PDS5A: variants seen among roughly 807,000 people sequenced by gnomAD.
PDS5A encodes the protein sister chromatid cohesion protein PDS5 homolog A.
A neutral mutation model predicts 167.1 loss-of-function variants in PDS5A; 42 were observed. The ratio of observed to expected loss-of-function variants is 0.25; its 90% confidence interval spans 0.20 to 0.33. The LOEUF (loss-of-function observed/expected upper bound fraction) is 0.33, where lower values mean the gene tolerates loss of function less well. Ranked by LOEUF, PDS5A falls within the 10% of genes least tolerant of loss-of-function variation. PDS5A has a pLI of 1.00. For synonymous variants in PDS5A, 553 were observed against 554.6 expected, an observed-to-expected ratio of 1.00 and a Z score of 0.04; for missense variants, 1,033 against 1,605.9, an observed-to-expected ratio of 0.64 and a Z score of 6.10.
chr4:39,875,506 G>C (rs1272308350), intron 19 of PDS5A, among the ~76,000 whole-genome samples: 2 of 152,164 alleles, frequency 1.3e-5, no homozygotes, highest in African/African-American at 4.8e-5. Context: ...GGCATCAAAT[G>C]CAAGGGTGAC....
intron 2 of PDS5A, among the ~76,000 whole-genome samples, chr4:39,975,561 C>A (rs1306696781): frequency 6.6e-6 from 1 of 152,136 alleles, no homozygotes; most frequent in Non-Finnish European, 1.5e-5. Context: ...AATGCCATAG[C>A]CCTACCTGAA....
At chr4:39,839,191 A>C (rs541774321) in intron 31 of PDS5A, among the ~76,000 whole-genome samples, 6 of 152,158 alleles carry the variant, frequency 3.9e-5, no homozygotes, top group Non-Finnish European at 8.8e-5. Flanking sequence ...TTTTGATAAT[A>C]AGAGGTAACT....
intron 11 of PDS5A, among the ~76,000 whole-genome samples, chr4:39,906,297 A>G (rs570903690): frequency 4.6e-5 from 7 of 152,072 alleles, no homozygotes; most frequent in Non-Finnish European, 1.5e-5. Flanking sequence ...GAGCCTGGGA[A>G]GAGGAGGGTG....
chr4:39,916,176 A>G (rs1436140923), intron 8 of PDS5A, among the ~76,000 whole-genome samples: 1 of 147,630 alleles, frequency 6.8e-6, no homozygotes, highest in East Asian at 2.0e-4. Context: ...TGGGCGACAG[A>G]GCAAGACTCC....
intron 2 of PDS5A, chr4:39,975,979 T>G (rs1731044850): frequency 6.6e-6 from 1 of 152,432 alleles, no homozygotes; most frequent in Non-Finnish European, 1.5e-5. Flanking sequence ...TTATGAAAAG[T>G]CTGTACCTTC....
At chr4:39,895,410 A>G (rs1722317118) in intron 16 of PDS5A, among the ~76,000 whole-genome samples, 1 of 152,118 alleles carries the variant, frequency 6.6e-6, no homozygotes, top group South Asian at 2.1e-4. Flanking sequence ...GGGTAAAAAT[A>G]TAAAAGATAA....
intron 8 of PDS5A, 102 bp from the exon 9 acceptor site, chr4:39,913,828 A>G (rs773715658): frequency 4.9e-5 from 35 of 715,244 alleles, no homozygotes; most frequent in Non-Finnish European, 7.8e-5. Context: ...ATTTCTGCTT[A>G]TAACTGTGAG....
At chr4:39,882,123 C>CGCT (rs1360613394) in intron 17 of PDS5A, among the ~76,000 whole-genome samples, 1 of 152,130 alleles carries the variant, frequency 6.6e-6, no homozygotes, top group Non-Finnish European at 1.5e-5. Context: ...GAGCCAGACT[C>CGCT]TGTCTCAAAA....
intron 9 of PDS5A, among the ~76,000 whole-genome samples, chr4:39,913,169 T>C (rs1273489769): frequency 6.6e-6 from 1 of 151,808 alleles, no homozygotes; most frequent in Non-Finnish European, 1.5e-5. Context: ...CAGTACAAAC[T>C]CTGCCTCCCG....
rs1459714847 is a variant in PDS5A at position 39,902,441 on chromosome 4, A to G, written c.1405T>C (p.Phe469Leu). ...IDDKLLVEKI[F>L]AQYLVPHNLE... ...TTGTGGGGGACAAGATACTGAGCAA[A>G]GATTTTCTCTACCAACAGTCTAGGA... is the stretch of plus-strand genomic sequence containing the variant. Residue 469 changes from phenylalanine (F) to leucine (L), a missense_variant, in exon 13 of 33, where the codon TTT (phenylalanine) becomes CTT (leucine). This residue lies in a region of PDS5A where 388 missense variants were observed against 615.1 expected (regional missense o/e 0.63). Transcript: ENST00000303538. 2 of 1,556,778 alleles carry G rather than the reference A, an allele frequency of 1.3e-6. No homozygotes were observed.
intron 26 of PDS5A, among the ~76,000 whole-genome samples, chr4:39,860,953 C>T (rs1200248292): frequency 1.3e-5 from 2 of 151,834 alleles, no homozygotes; most frequent in East Asian, 3.9e-4. Context: ...GTAGTCCCAG[C>T]TACTCAGGAA....
intron 17 of PDS5A, 94 bp downstream of exon 17, chr4:39,890,155 T>C: frequency 3.0e-6 from 2 of 660,100 alleles, no homozygotes; most frequent in Non-Finnish European, 5.2e-6. Flanking sequence ...CATACAGAGG[T>C]TTTCAGGTAT....
intron 2 of PDS5A, among the ~76,000 whole-genome samples, chr4:39,964,376 T>C (rs2109813417): frequency 6.6e-6 from 1 of 152,264 alleles, no homozygotes; most frequent in African/African-American, 2.4e-5. Context: ...TTCTCAGCCC[T>C]ATATACTGAA....
intron 30 of PDS5A, among the ~76,000 whole-genome samples, chr4:39,843,976 C>T (rs760943271): frequency 4.6e-5 from 7 of 151,746 alleles, no homozygotes; most frequent in Admixed American, 1.3e-4. Context: ...GAAACTCCAT[C>T]TTTATGAAAA....
intron 11 of PDS5A, among the ~76,000 whole-genome samples, chr4:39,906,921 A>AC (rs367865107): frequency 1.1e-5 from 1 of 88,706 alleles, no homozygotes; most frequent in African/African-American, 3.1e-5. Context: ...CTTACATAAA[A>AC]AAAAAAAAAA....
chr4:39,868,823 T>C (rs538690829), intron 22 of PDS5A: 52 of 379,076 alleles, frequency 1.4e-4, no homozygotes, highest in African/African-American at 9.5e-4. Flanking sequence ...GAATATATGA[T>C]GATGATGAAG....
chr4:39,849,697 T>TA, intron 26 of PDS5A, 45 bp from the exon 27 acceptor site: 2 of 1,409,416 alleles, frequency 1.4e-6, no homozygotes, highest in African/African-American at 1.4e-5. Flanking sequence ...ATAGATGCTT[T>TA]AGCTTAAAGC....
At position 39,921,854 on chromosome 4, in the gene PDS5A, A is replaced by G. The variant is rs376812612; in HGVS notation, c.654+768T>C. Among the ~76,000 whole-genome samples the G allele has an allele frequency of 3.9e-5, 6 of 152,358 alleles. No homozygotes were observed. In the South Asian group the frequency reaches 8.3e-4, roughly 21 times the overall value. On this transcript the variant is annotated intron_variant, in intron 6 of 32. Transcript: ENST00000303538. ...TTTGCCATAGTCTCAGAATTTTTAT[A>G]AACTACAGAATTTTGTAAACTACAT...
intron 13 of PDS5A, among the ~76,000 whole-genome samples, chr4:39,901,337 G>A (rs1160645923): frequency 7.1e-6 from 1 of 140,608 alleles, no homozygotes; most frequent in Non-Finnish European, 1.5e-5. Flanking sequence ...GGATAATCTC[G>A]GCTCACTGCA....
Sources: allele counts gnomAD v4.1 joint callset (sites outside exome capture counted in the v4.1 genomes callset), GRCh38; gene constraint gnomAD v4.1.1; regional missense constraint gnomAD v4.1.1; transcripts MANE v1.5; gene names NCBI Gene and HGNC (gene_info 2026-07-23, HGNC 2026-07-21).